TRMT44: variants seen among roughly 807,000 people sequenced by gnomAD.
TRMT44 encodes tRNA methyltransferase 44 homolog, also known as probable tRNA (uracil-O(2)-)-methyltransferase.
A neutral mutation model predicts 77.3 loss-of-function variants in TRMT44; 78 were observed. The ratio of observed to expected loss-of-function variants is 1.01; its 90% CI spans 0.84 to 1.22. TRMT44 has a LOEUF of 1.22. Ranked by LOEUF, TRMT44 falls within the 50% of genes most tolerant of loss-of-function variation. The pLI, the probability that TRMT44 is intolerant of heterozygous loss-of-function variation, is 0.00. For synonymous variants in TRMT44, 391 were observed against 383.3 expected (o/e 1.02, Z -0.23); for missense variants, 1,090 against 964.4 (o/e 1.13, Z -1.73).
the TRMT44 span, chr4:8,509,312 G>A: frequency 2.0e-5 from 3 of 152,828 alleles, no homozygotes; most frequent in South Asian, 2.1e-4. Flanking sequence ...CAGCTGCCCC[G>A]GAGTGGCAGT....
chr4:8,451,406 T>A lies in TRMT44; in HGVS notation c.955-554T>A, dbSNP rs1725444705. On this transcript the variant is annotated intron_variant, in intron 3 of 10. Coordinates refer to ENST00000389737, the MANE Select transcript of TRMT44 (RefSeq NM_152544.3). This position sits in a 1 kb window ranked among gnomAD's most constrained non-coding sequence, Gnocchi z 4.1. ...TTTTCCTGTTTTGCCTAATGCCAGT[T>A]CTGAACATGACTAATTTTAATAATG... Among the ~76,000 whole-genome samples the A allele has an allele frequency of 6.6e-6, 1 of 152,230 alleles. No individual in the cohort carries two copies. The highest frequency in any genetic ancestry group is 2.4e-5 in the African/African-American group (1 of 41,462).
rs1727734835 is a variant in TRMT44 at position 8,484,302 on chromosome 4, C to A, written n.3891+4769C>A. ...TGGGAGGCCAGATTGAAGTTGGGGCCAGGAACAATGGTGATTGTGGGAGAC... is the reference window on the plus strand; with the variant it reads ...TGGGAGGCCAGATTGAAGTTGGGGCAAGGAACAATGGTGATTGTGGGAGAC... On this transcript the variant is annotated intron_variant and non_coding_transcript_variant, in intron 2 of 2. Transcript: ENST00000511366. Among the ~76,000 whole-genome samples, 3 of 152,154 alleles carry A rather than the reference C, an allele frequency of 2.0e-5. No individual in the cohort carries two copies. In the South Asian group the frequency reaches 6.2e-4, roughly 32 times the overall value.
the TRMT44 span, among the ~76,000 whole-genome samples, chr4:8,511,309 G>T: frequency 1.3e-5 from 2 of 152,220 alleles, no homozygotes; most frequent in African/African-American, 4.8e-5. Flanking sequence ...CCTGGGGGTT[G>T]GTTGTGGAGG....
intron 2 of TRMT44, among the ~76,000 whole-genome samples, chr4:8,490,092 G>T (rs186237319): frequency 6.6e-6 from 1 of 152,292 alleles, no homozygotes; most frequent in East Asian, 1.9e-4. Context: ...TCAGCCCACA[G>T]GAGGACAGCT....
At chr4:8,458,783 CTTTAT>C (rs919317451) in intron 6 of TRMT44, among the ~76,000 whole-genome samples, 10 of 152,044 alleles carry the variant, frequency 6.6e-5, no homozygotes, top group Non-Finnish European at 1.2e-4. Context: ...TTTTCTCTAG[CTTTAT>C]TTTAAGGATA....
At chr4:8,493,494 A>G (rs961302993) in exon 3 of TRMT44, 5 of 152,222 alleles carry the variant, frequency 3.3e-5, no homozygotes, top group Non-Finnish European at 5.9e-5. Flanking sequence ...TTTGAATAAT[A>G]ATAAAACTCC....
At position 8,449,877 on chromosome 4, in the gene TRMT44, G is replaced by A. The variant is rs1475057718; in HGVS notation, c.943G>A (p.Glu315Lys). ...AYQELKEKYK[E>K]MVKVWPEVTD... Reference sequence around the variant, plus strand: ...CCAGGAACTTAAAGAGAAGTATAAGGAAATGGTTAAGGTAATTCTGGTGGA... The same window carrying A: ...CCAGGAACTTAAAGAGAAGTATAAGAAAATGGTTAAGGTAATTCTGGTGGA... The change falls in exon 3 of 11, where the codon GAA (glutamate) becomes AAA (lysine). Residue 315 changes from glutamate to lysine, a missense_variant. Coordinates refer to ENST00000389737, the MANE Select transcript of TRMT44 (RefSeq NM_152544.3). 2 of 1,511,030 alleles carry A rather than the reference G, an allele frequency of 1.3e-6. No homozygotes were observed. The highest frequency in any genetic ancestry group is 2.0e-5 in the Admixed American group (1 of 50,186). 93.6% of individuals were successfully genotyped at this position (1,511,030 alleles called of 1,614,324 possible). A position where few individuals can be genotyped will look rare whatever the true frequency, so the allele number is the denominator to read the frequency against.
chr4:8,494,650 C>T (rs1387073613), downstream of TRMT44, among the ~76,000 whole-genome samples: 1 of 152,202 alleles, frequency 6.6e-6, no homozygotes, highest in African/African-American at 2.4e-5. Context: ...TAAAAGCAAG[C>T]TGTGCCCGAC....
At chr4:8,466,309 C>G (rs1157035379) in intron 8 of TRMT44, among the ~76,000 whole-genome samples, 6 of 152,158 alleles carry the variant, frequency 3.9e-5, no homozygotes, top group African/African-American at 1.2e-4. Context: ...TGCTGCTGCC[C>G]GTGGTGCACT....
chr4:8,452,769 G>T lies in TRMT44; in HGVS notation c.1024-113G>T. 1 of 590,922 alleles carries T rather than the reference G, an allele frequency of 1.7e-6. No homozygotes were observed. Among genetic ancestry groups the T allele is most frequent in the Non-Finnish European group, 2.9e-6 (1 of 345,634 alleles). 36.6% of individuals were successfully genotyped at this position (590,922 alleles called of 1,614,324 possible). A position where few individuals can be genotyped will look rare whatever the true frequency, so the allele number is the denominator to read the frequency against. ...AAAAAAAAAAAGAATGTTTAGTGTAGATGATTTCAAGTTTCCTTTCACTCA... is the reference window on the plus strand; with the variant it reads ...AAAAAAAAAAAGAATGTTTAGTGTATATGATTTCAAGTTTCCTTTCACTCA... On this transcript the variant is annotated intron_variant, in intron 4 of 10. Transcript: ENST00000389737. The surrounding 1 kb of genome is among the most constrained non-coding windows in gnomAD (Gnocchi z 5.7).
chr4:8,512,330 G>A, the TRMT44 span: 1 of 152,228 alleles, frequency 6.6e-6, no homozygotes, highest in Non-Finnish European at 1.5e-5. Context: ...GCCTCCCAAA[G>A]TGTTGGGATT....
At chr4:8,486,031 A>G (rs935027619) in intron 2 of TRMT44, among the ~76,000 whole-genome samples, 1 of 152,214 alleles carries the variant, frequency 6.6e-6, no homozygotes, top group Non-Finnish European at 1.5e-5. Context: ...GTGATCGGGC[A>G]GCGTCAATCT....
the TRMT44 span, among the ~76,000 whole-genome samples, chr4:8,500,708 G>T: frequency 6.6e-6 from 1 of 151,244 alleles, no homozygotes; most frequent in African/African-American, 2.4e-5. Flanking sequence ...CCAGCCTGGA[G>T]TGCAGTGGCG....
At position 8,446,004 on chromosome 4, in the gene TRMT44, A is replaced by C. The variant is rs965184108; in HGVS notation, c.620-472A>C. ...GGGAAGGTGACTGTGAAGTCCGTAC[A>C]TGCAGCAAGGGCTCCACACAACATA... is the stretch of plus-strand genomic sequence containing the variant. On this transcript the variant is annotated intron_variant, in intron 1 of 10. Transcript: ENST00000389737. This position sits in a 1 kb window ranked among gnomAD's most constrained non-coding sequence, Gnocchi z 4.3. Among the ~76,000 whole-genome samples the C allele has an allele frequency of 2.0e-5, 3 of 152,236 alleles. No individual in the cohort carries two copies. Among genetic ancestry groups the C allele is most frequent in the Non-Finnish European group, 4.4e-5 (3 of 68,040 alleles).
In TRMT44 at chr4:8,441,411, A is replaced by G. The variant is rs775673983; in HGVS notation, c.589A>G (p.Thr197Ala). Residue 197 changes from threonine (T) to alanine (A), a missense_variant, in exon 1 of 11, where the codon ACA becomes GCA. Transcript: ENST00000389737. ...IPKTSPHCPLTTPRREIVVQD... is the reference protein window; with the variant it reads ...IPKTSPHCPLATPRREIVVQD... ...GAAAACTAGCCCACATTGCCCCCTT[A>G]CAACTCCCAGGAGGGAAATAGTCGT... 65 of 1,524,284 alleles carry G rather than the reference A, an allele frequency of 4.3e-5. No individual in the cohort carries two copies. The South Asian group carries it at 6.4e-4, about 15-fold the overall frequency. The allele number at this position is 1,524,284 out of a possible 1,614,324, so 94.4% of individuals were successfully genotyped here.
downstream of TRMT44, chr4:8,478,558 T>C (rs1322834681): frequency 2.6e-5 from 4 of 152,434 alleles, no homozygotes; most frequent in African/African-American, 9.7e-5. Context: ...CTTGCAGCAA[T>C]GAACAGTACA....
chr4:8,476,196 C>T lies in TRMT44; in HGVS notation c.*195C>T, dbSNP rs973992295. Reference sequence around the variant, plus strand: ...GAGAAGCCACAGTTACTCGGAAGCCCCCAGCTGACTGCCTGGCTTGTTTCA... The same window carrying T: ...GAGAAGCCACAGTTACTCGGAAGCCTCCAGCTGACTGCCTGGCTTGTTTCA... On this transcript the variant is annotated 3_prime_UTR_variant, in exon 11 of 11. Transcript: ENST00000389737. 3.8e-5 allele frequency: 23 copies of T among 607,628 alleles called. No homozygotes were observed. Among genetic ancestry groups the T allele is most frequent in the Non-Finnish European group, 6.6e-5 (23 of 346,098 alleles). 37.6% of individuals were successfully genotyped at this position (607,628 alleles called of 1,614,324 possible). A position where few individuals can be genotyped will look rare whatever the true frequency, so the allele number is the denominator to read the frequency against.
Position 8,465,463 on chromosome 4 carries a change from ACT to A in TRMT44, c.1398_1399del (p.Gln467ValfsTer6). 1 of 1,614,066 alleles carries A rather than the reference ACT, an allele frequency of 6.2e-7. No individual in the cohort carries two copies. Among genetic ancestry groups the A allele is most frequent in the African/African-American group, 1.3e-5 (1 of 74,998 alleles). On this transcript the variant is annotated frameshift_variant, in exon 8 of 11. Transcript: ENST00000389737. LOFTEE classifies it high-confidence loss of function. ...ATACTCCCGGAGGCAGAGTAAGAAG[ACT>A]CAGTACCGGGAATACCTTGACTTCA... ...GRYSRRQSKK[T>X]QYREYLDFIK...
chr4:8,449,138 GC>G (rs1279227187), intron 2 of TRMT44, among the ~76,000 whole-genome samples: 2 of 152,200 alleles, frequency 1.3e-5, no homozygotes, highest in African/African-American at 4.8e-5. Context: ...GGACCTGGGG[GC>G]GGAGCAGTGA....
Sources: allele counts gnomAD v4.1 joint callset (sites outside exome capture counted in the v4.1 genomes callset), GRCh38; gene constraint gnomAD v4.1.1; non-coding constraint Gnocchi (gnomAD v3.1); transcripts MANE v1.5; gene names NCBI Gene and HGNC (gene_info 2026-07-23, HGNC 2026-07-21).